The following PAPOLA variants were observed in gnomAD, a reference collection of about 807,000 sequenced individuals.
The protein encoded by PAPOLA is poly(A) polymerase alpha.
In PAPOLA, 15 loss-of-function variants were observed where a neutral mutation model predicts 100.6. The observed-to-expected ratio is 0.15, with a 90% CI of 0.10 to 0.23. The LOEUF (loss-of-function observed/expected upper bound fraction) is 0.23. PAPOLA is among the 10% of genes least tolerant of loss of function. PAPOLA has a pLI of 1.00. For synonymous variants in PAPOLA, 293 were observed against 300.0 expected (o/e 0.98, Z 0.24); for missense variants, 533 against 884.2 (o/e 0.60, Z 5.04).
intron 1 of PAPOLA, among the ~76,000 whole-genome samples, chr14:96,512,839 A>G (rs1164519143): frequency 6.6e-6 from 1 of 152,210 alleles, no homozygotes; most frequent in East Asian, 1.9e-4. Flanking sequence ...TAGTTCTGTG[A>G]GAAAGGTTCA....
chr14:96,521,495 T>C (rs971219905), intron 3 of PAPOLA, among the ~76,000 whole-genome samples: 2 of 152,174 alleles, frequency 1.3e-5, no homozygotes, highest in African/African-American at 4.8e-5. Flanking sequence ...ATTTATTTTT[T>C]ATTTATTTTT....
chr14:96,536,023 G>T, intron 11 of PAPOLA, 24 bp downstream of exon 11: 1 of 1,543,898 alleles, frequency 6.5e-7, no homozygotes, highest in South Asian at 1.3e-5. Context: ...CTTATGCTCT[G>T]ATTTATACAG....
chr14:96,523,993 T>C (rs1898245090), intron 3 of PAPOLA, among the ~76,000 whole-genome samples: 1 of 151,896 alleles, frequency 6.6e-6, no homozygotes, highest in African/African-American at 2.4e-5. Context: ...TTAGTGTCTA[T>C]AGTGATGGTT....
At chr14:96,509,796 A>G (rs1262349356) in intron 1 of PAPOLA, among the ~76,000 whole-genome samples, 3 of 152,200 alleles carry the variant, frequency 2.0e-5, no homozygotes, top group Non-Finnish European at 4.4e-5. Flanking sequence ...TTATGCTGTT[A>G]TGGGACCACT....
chr14:96,554,593 TGAGA>T (rs143432474), intron 17 of PAPOLA, among the ~76,000 whole-genome samples: 2 of 151,184 alleles, frequency 1.3e-5, no homozygotes, highest in Non-Finnish European at 3.0e-5. Flanking sequence ...GTGATAGCTC[TGAGA>T]GAGAGAGAGA....
At chr14:96,502,783 G>GCTGGGTTC (rs1896389747) in intron 1 of PAPOLA, 183 bp downstream of exon 1, 4 of 603,072 alleles carry the variant, frequency 6.6e-6, no homozygotes, top group Non-Finnish European at 1.1e-5. Context: ...CCCCCCGTGT[G>GCTGGGTTC]CTGGGTTCCC....
intron 20 of PAPOLA, 152 bp from the exon 21 acceptor site, chr14:96,562,667 A>G (rs1901952815): frequency 3.8e-6 from 2 of 527,764 alleles, no homozygotes; most frequent in Non-Finnish European, 6.8e-6. Context: ...TACAACATCT[A>G]CTGACTAGAT....
At chr14:96,563,362 T>A (rs1177118553) in intron 21 of PAPOLA, among the ~76,000 whole-genome samples, 2 of 152,210 alleles carry the variant, frequency 1.3e-5, no homozygotes, top group African/African-American at 4.8e-5. Context: ...GAATTATGTT[T>A]TCATTTGTCC....
intron 1 of PAPOLA, chr14:96,504,455 C>A (rs1323641506): frequency 6.6e-6 from 1 of 152,292 alleles, no homozygotes; most frequent in Non-Finnish European, 1.5e-5. Flanking sequence ...GTAATCCCAG[C>A]ACTTTGGGAG....
At position 96,521,084 on chromosome 14, in the gene PAPOLA, T is replaced by G. The variant is rs745631670; in HGVS notation, c.249+12T>G. The G allele has an allele frequency of 2.2e-5, 30 of 1,342,240 alleles. 1 individual carries two copies. In the South Asian group the frequency reaches 3.3e-4, roughly 15 times the overall value. The allele number at this position is 1,342,240 out of a possible 1,614,324, so 83.1% of individuals were successfully genotyped here. A position where few individuals can be genotyped will look rare whatever the true frequency, so the allele number is the denominator to read the frequency against. The stretch of plus-strand genomic sequence containing the variant: ...TCAGTGAAAGCAAGGTAAGGCAACT[T>G]TTTTGTATATGAAATAATTTCATAT... On this transcript the variant is annotated intron_variant, in intron 3 of 21. Coordinates refer to ENST00000216277, the MANE Select transcript of PAPOLA (RefSeq NM_032632.5).
intron 12 of PAPOLA, among the ~76,000 whole-genome samples, chr14:96,539,599 A>G (rs1430394583): frequency 1.3e-5 from 2 of 152,116 alleles, no homozygotes; most frequent in Non-Finnish European, 2.9e-5. Context: ...ATATATTTTT[A>G]AATTTGGGGA....
intron 1 of PAPOLA, among the ~76,000 whole-genome samples, chr14:96,513,152 T>G (rs933194267): frequency 1.3e-5 from 2 of 152,140 alleles, no homozygotes; most frequent in Admixed American, 1.3e-4. Context: ...CAGCCTCAGC[T>G]TCCTGGGCTC....
chr14:96,555,844 T>A lies in PAPOLA; in HGVS notation c.1665-3T>A, dbSNP rs774571919. ...AGACAATTTTTAATTTTTTTTTTTT[T>A]AGCAGAAACAGTCCTGCTCCAGCTG... On this transcript the variant is annotated splice_region_variant and splice_polypyrimidine_tract_variant and intron_variant, in intron 17 of 21. Transcript: ENST00000216277. 6.9e-5 allele frequency: 100 copies of A among 1,452,556 alleles called. No homozygotes were observed. The highest frequency in any genetic ancestry group is 8.6e-5 in the Non-Finnish European group (93 of 1,076,940). The allele number at this position is 1,452,556 out of a possible 1,614,324, so 90.0% of individuals were successfully genotyped here. A position where few individuals can be genotyped will look rare whatever the true frequency, so the allele number is the denominator to read the frequency against.
At chr14:96,559,041 T>C (rs1431234325) in intron 19 of PAPOLA, among the ~76,000 whole-genome samples, 3 of 151,678 alleles carry the variant, frequency 2.0e-5, no homozygotes, top group Non-Finnish European at 4.4e-5. Context: ...TTGGTGTATG[T>C]TTTCTCAGTC....
Position 96,537,040 on chromosome 14 carries a change from A to G in PAPOLA, c.1095A>G (p.Pro365=). Residue 365 remains proline (P), a synonymous_variant, in exon 12 of 22, where the codon CCA becomes CCG. Coordinates refer to ENST00000216277, the MANE Select transcript of PAPOLA (RefSeq NM_032632.5). Reference sequence around the variant, plus strand: ...AGTGGTCCAAACTTTTTGAAGCTCCAAACTTCTTTCAAAAGTACAAGTATG... The same window carrying G: ...AGTGGTCCAAACTTTTTGAAGCTCCGAACTTCTTTCAAAAGTACAAGTATG... ...KAEWSKLFEA[P]NFFQKYKHYI... 1.2e-6 allele frequency: 2 copies of G among 1,603,544 alleles called. No individual in the cohort carries two copies. The highest frequency in any genetic ancestry group is 1.7e-6 in the Non-Finnish European group (2 of 1,170,412).
At chr14:96,509,732 G>A (rs974225317) in intron 1 of PAPOLA, among the ~76,000 whole-genome samples, 1 of 152,174 alleles carries the variant, frequency 6.6e-6, no homozygotes, top group Non-Finnish European at 1.5e-5. Context: ...ACATTAGGAA[G>A]CATTTGTGTA....
chr14:96,505,996 C>T (rs981952437), intron 1 of PAPOLA, among the ~76,000 whole-genome samples: 3 of 152,112 alleles, frequency 2.0e-5, no homozygotes, highest in African/African-American at 4.8e-5. Context: ...CTCCACCTCC[C>T]GGGTTCAAGC....
At position 96,559,581 on chromosome 14, in the gene PAPOLA, C is replaced by CTCTCTCTCTATATATA. The variant is rs370979875; in HGVS notation, c.2005-1067_2005-1066insCTCTCTCTATATATAT. Among the ~76,000 whole-genome samples the CTCTCTCTCTATATATA allele has an allele frequency of 3.1e-4, 37 of 120,172 alleles. 1 individual carries two copies. Among genetic ancestry groups the CTCTCTCTCTATATATA allele is most frequent in the African/African-American group, 1.0e-3 (31 of 29,804 alleles). 78.8% of individuals were successfully genotyped at this position (120,172 alleles called of 152,430 possible). On this transcript the variant is annotated intron_variant, in intron 19 of 21. Transcript: ENST00000216277. ...TCTCTCTCTCTCTCTCTCTCTCTCT[C>CTCTCTCTCTATATATA]TATATATATATATATACACACACAC...
At chr14:96,522,112 CTTTCTTT>C (rs1303964406) in intron 3 of PAPOLA, among the ~76,000 whole-genome samples, 471 of 98,406 alleles carry the variant, frequency 4.8e-3, no homozygotes, top group African/African-American at 7.3e-3. Context: ...CTCTTTCTTT[CTTTCTTT>C]TTTTTTTTTT....
Sources: allele counts gnomAD v4.1 joint callset (sites outside exome capture counted in the v4.1 genomes callset), GRCh38; gene constraint gnomAD v4.1.1; transcripts MANE v1.5; gene names NCBI Gene and HGNC (gene_info 2026-07-23, HGNC 2026-07-21).